Variants in PRR5L observed in about 807,000 individuals in gnomAD.
The protein encoded by PRR5L is proline-rich protein 5-like.
In PRR5L, 21 loss-of-function variants were observed where a neutral mutation model predicts 36.4. The observed-to-expected ratio is 0.58, with a 90% confidence interval of 0.41 to 0.83. The LOEUF is 0.83. Among genes scored for constraint, PRR5L ranks in the 40% least tolerant of loss-of-function variants. The pLI, the probability that PRR5L is intolerant of heterozygous loss-of-function variation, is 0.00. For synonymous variants in PRR5L, 188 were observed against 197.0 expected, an observed-to-expected ratio of 0.95 and a Z score of 0.38; for missense variants, 381 against 473.3, an observed-to-expected ratio of 0.80 and a Z score of 1.81.
intron 1 of PRR5L, among the ~76,000 whole-genome samples, chr11:36,370,133 C>T (rs1033165706): frequency 6.6e-6 from 1 of 152,174 alleles, no homozygotes; most frequent in Non-Finnish European, 1.5e-5. Flanking sequence ...TTGTCCCCCA[C>T]CCCACCTGTT....
intron 1 of PRR5L, among the ~76,000 whole-genome samples, chr11:36,317,944 G>T (rs774175575): frequency 3.9e-5 from 6 of 152,168 alleles, no homozygotes; most frequent in Admixed American, 6.5e-5. Context: ...ATAAACAGAA[G>T]TCTCTAATTT....
At position 36,462,651 on chromosome 11, in the gene PRR5L, A is replaced by G. The variant is rs1350233029; in HGVS notation, c.1022A>G (p.Asn341Ser). 2 of 1,611,372 alleles carry G rather than the reference A, an allele frequency of 1.2e-6. No individual in the cohort carries two copies. Among genetic ancestry groups the G allele is most frequent in the East Asian group, 2.2e-5 (1 of 44,880 alleles). ...PPHRQCSSEP[N>S]ITDNPDGLEE... ...CACCGGCAGTGCTCCAGTGAGCCCAACATCACTGACAACCCTGACGGACTG... is the reference window on the plus strand; with the variant it reads ...CACCGGCAGTGCTCCAGTGAGCCCAGCATCACTGACAACCCTGACGGACTG... Residue 341 changes from asparagine to serine, a missense_variant, in exon 9 of 9, where the codon AAC (asparagine) becomes AGC (serine). By Grantham distance (46) the Asn-to-Ser change is conservative. Transcript: ENST00000530639.
intron 8 of PRR5L, among the ~76,000 whole-genome samples, 184 bp from the exon 9 acceptor site, chr11:36,462,158 A>T (rs1280936682): frequency 6.6e-6 from 1 of 152,192 alleles, no homozygotes. Context: ...TGGCATAAAC[A>T]GGTAAAGTTG....
At chr11:36,368,897 C>A (rs756161066) in intron 1 of PRR5L, among the ~76,000 whole-genome samples, 3 of 152,214 alleles carry the variant, frequency 2.0e-5, no homozygotes, top group South Asian at 2.1e-4. Context: ...ACACTACCCA[C>A]GAAAATCAAA....
chr11:36,357,109 T>C (rs1169614677), intron 1 of PRR5L, among the ~76,000 whole-genome samples: 2 of 152,100 alleles, frequency 1.3e-5, no homozygotes, highest in South Asian at 2.1e-4. Flanking sequence ...ATGGAGAAAA[T>C]GTTAGTGGTT....
At chr11:36,320,387 G>A (rs1383170140) in intron 1 of PRR5L, among the ~76,000 whole-genome samples, 1 of 146,916 alleles carries the variant, frequency 6.8e-6, no homozygotes, top group Non-Finnish European at 1.5e-5. Flanking sequence ...GGGATTACAG[G>A]TGCCTGCCGC....
At chr11:36,304,092 G>A (rs1171762202) in intron 1 of PRR5L, among the ~76,000 whole-genome samples, 2 of 152,126 alleles carry the variant, frequency 1.3e-5, no homozygotes, top group Non-Finnish European at 2.9e-5. Context: ...AGAGACTGAG[G>A]CCATTCCTCA....
intron 1 of PRR5L, among the ~76,000 whole-genome samples, chr11:36,346,830 G>A (rs899175472): frequency 6.6e-6 from 1 of 152,286 alleles, no homozygotes; most frequent in Non-Finnish European, 1.5e-5. Context: ...TAGGCAAACA[G>A]CTTTTTGTAA....
chr11:36,414,926 A>G (rs1456290984), intron 3 of PRR5L, among the ~76,000 whole-genome samples: 1 of 140,648 alleles, frequency 7.1e-6, no homozygotes, highest in African/African-American at 2.7e-5. Context: ...AGCTTTCTAC[A>G]TATGGCTAGC....
At chr11:36,395,577 A>G (rs1201929836) in intron 1 of PRR5L, among the ~76,000 whole-genome samples, 1 of 152,130 alleles carries the variant, frequency 6.6e-6, no homozygotes, top group Non-Finnish European at 1.5e-5. Flanking sequence ...GCCTTTCACT[A>G]TGTTTGTTAT....
At chr11:36,300,090 A>T (rs1856358551) in intron 1 of PRR5L, among the ~76,000 whole-genome samples, 1 of 152,108 alleles carries the variant, frequency 6.6e-6, no homozygotes, top group African/African-American at 2.4e-5. Flanking sequence ...TACAAGTGAA[A>T]TATCTTTTTT....
intron 8 of PRR5L, among the ~76,000 whole-genome samples, chr11:36,460,817 C>CG (rs1859164338): frequency 6.6e-6 from 1 of 152,236 alleles, no homozygotes; most frequent in African/African-American, 2.4e-5. Flanking sequence ...ATCTGCCTGC[C>CG]GGGGCACCTC....
intron 1 of PRR5L, among the ~76,000 whole-genome samples, chr11:36,354,355 G>A (rs1342126682): frequency 6.6e-6 from 1 of 152,144 alleles, no homozygotes; most frequent in Non-Finnish European, 1.5e-5. Flanking sequence ...TCCAGGCAAA[G>A]GCACGTCAAC....
chr11:36,296,643 T>C (rs879604640), intron 1 of PRR5L, among the ~76,000 whole-genome samples: 1 of 152,260 alleles, frequency 6.6e-6, no homozygotes, highest in Non-Finnish European at 1.5e-5. Flanking sequence ...TCTGTCTGTC[T>C]GGCCCTGTTC....
intron 4 of PRR5L, among the ~76,000 whole-genome samples, chr11:36,419,938 A>AT (rs1439124010): frequency 6.6e-6 from 1 of 152,218 alleles, no homozygotes; most frequent in Non-Finnish European, 1.5e-5. Context: ...ACCCTGAATC[A>AT]TACCACATCT....
At chr11:36,351,298 ATATATATATT>A (rs1484356924) in intron 1 of PRR5L, among the ~76,000 whole-genome samples, 3 of 5,410 alleles carry the variant, frequency 5.5e-4, no homozygotes, top group East Asian at 0.011. Context: ...TTATATATTT[ATATATATATT>A]TATATATATT....
intron 3 of PRR5L, 125 bp from the exon 4 acceptor site, chr11:36,419,130 A>G: frequency 3.8e-6 from 3 of 796,448 alleles, no homozygotes; most frequent in Non-Finnish European, 6.7e-6. Flanking sequence ...GGGGACCAGG[A>G]CCTAAGAAAG....
intron 2 of PRR5L, among the ~76,000 whole-genome samples, chr11:36,402,828 C>T (rs764348804): frequency 4.6e-5 from 7 of 152,180 alleles, no homozygotes; most frequent in Admixed American, 1.3e-4. Flanking sequence ...GGCTGGCCTG[C>T]GAGAAATTCT....
intron 1 of PRR5L, among the ~76,000 whole-genome samples, chr11:36,350,912 A>ATATATATTTTTATATATT (rs1856924655): frequency 4.8e-5 from 2 of 41,838 alleles, no homozygotes; most frequent in African/African-American, 2.2e-4. Flanking sequence ...GTAAATATAT[A>ATATATATTTTTATATATT]TATATATTTA....
Sources: allele counts gnomAD v4.1 joint callset (sites outside exome capture counted in the v4.1 genomes callset), GRCh38; gene constraint gnomAD v4.1.1; transcripts MANE v1.5; gene names NCBI Gene and HGNC (gene_info 2026-07-23, HGNC 2026-07-21).